Variants in UPK1B observed in about 807,000 individuals in gnomAD.
The protein encoded by UPK1B is uroplakin 1B, also known as uroplakin-1b.
A neutral mutation model predicts 34.2 loss-of-function variants in UPK1B; 28 were observed. The observed-to-expected ratio is 0.82, with a 90% CI of 0.61 to 1.12. The LOEUF is 1.12. Among genes scored for constraint, UPK1B ranks in the 50% most tolerant of loss-of-function variants. The pLI, the probability that UPK1B is intolerant of heterozygous loss-of-function variation, is 0.00. For missense variants in UPK1B, 325 were observed against 320.9 expected (o/e 1.01, Z -0.10); for synonymous variants, 81 against 110.4 (o/e 0.73, Z 1.67).
chr3:119,174,230 C>G (rs2077942253), intron 1 of UPK1B, among the ~76,000 whole-genome samples: 1 of 152,182 alleles, frequency 6.6e-6, no homozygotes, highest in South Asian at 2.1e-4. Flanking sequence ...TGAAGTAAGT[C>G]AACAAAGTAG....
chr3:119,180,564 A>G (rs1014234613), intron 1 of UPK1B, among the ~76,000 whole-genome samples: 2 of 152,226 alleles, frequency 1.3e-5, no homozygotes, highest in Non-Finnish European at 2.9e-5. Flanking sequence ...CAAGCCCTAG[A>G]GAACACCACA....
chr3:119,176,406 C>T lies in UPK1B; in HGVS notation c.-29+2768C>T, dbSNP rs531570830. ...AATGTGTCTGGAAACATCAACACTA[C>T]GGGTATGATTAATTTTTATAGGAAA... is the stretch of plus-strand genomic sequence containing the variant. On this transcript the variant is annotated intron_variant, in intron 1 of 7. Coordinates refer to ENST00000264234, the MANE Select transcript of UPK1B (RefSeq NM_006952.4). Among the ~76,000 whole-genome samples the T allele has an allele frequency of 2.2e-4, 34 of 152,206 alleles. 1 individual carries two copies. Among genetic ancestry groups the T allele is most frequent in the African/African-American group, 2.4e-4 (10 of 41,510 alleles).
At chr3:119,190,896 C>G in intron 4 of UPK1B, 86 bp from the exon 5 acceptor site, 1 of 1,559,664 alleles carries the variant, frequency 6.4e-7, no homozygotes, top group Non-Finnish European at 8.7e-7. Context: ...TTCAGTGTCC[C>G]CAGGAAAAGA....
At position 119,187,915 on chromosome 3, in the gene UPK1B, C is replaced by T. The variant is rs1488061525; in HGVS notation, c.210C>T (p.Phe70=). 6.2e-7 allele frequency: 1 copy of T among 1,614,176 alleles called. No homozygotes were observed. The highest frequency in any genetic ancestry group is 8.5e-7 in the Non-Finnish European group (1 of 1,180,036). Residue 70 remains phenylalanine, a synonymous_variant, in exon 3 of 8, where the codon TTC becomes TTT. Transcript: ENST00000264234. ...WIGIFVGICL[F]CLSVLGIVGI... is the part of the protein sequence containing the mutation. ...GCATATTTGTGGGCATCTGCCTCTTCTGCCTGTCTGTTCTAGGCATTGTAG... is the reference window on the plus strand; with the variant it reads ...GCATATTTGTGGGCATCTGCCTCTTTTGCCTGTCTGTTCTAGGCATTGTAG...
At chr3:119,201,259 G>A (rs1226395173) in intron 7 of UPK1B, among the ~76,000 whole-genome samples, 1 of 152,114 alleles carries the variant, frequency 6.6e-6, no homozygotes, top group African/African-American at 2.4e-5. Context: ...TGTCCCTCAG[G>A]TGTTTACTAT....
intron 3 of UPK1B, 57 bp from the exon 4 acceptor site, chr3:119,190,188 C>A: frequency 7.6e-7 from 1 of 1,319,706 alleles, no homozygotes; most frequent in Non-Finnish European, 1.1e-6. Context: ...ATTATTTGGG[C>A]AAGTCGCTCT....
intron 1 of UPK1B, among the ~76,000 whole-genome samples, chr3:119,174,134 G>A (rs1296196697): frequency 6.6e-6 from 1 of 152,154 alleles, no homozygotes; most frequent in Non-Finnish European, 1.5e-5. Context: ...GAAATCATTT[G>A]GTCCTGCCAA....
intron 2 of UPK1B, among the ~76,000 whole-genome samples, chr3:119,187,067 A>G (rs553416511): frequency 6.6e-6 from 1 of 152,366 alleles, no homozygotes; most frequent in South Asian, 2.1e-4. Flanking sequence ...AACCATAGTC[A>G]GTGTCTAAAC....
intron 6 of UPK1B, among the ~76,000 whole-genome samples, chr3:119,196,974 A>G (rs1046266062): frequency 1.3e-5 from 2 of 151,958 alleles, no homozygotes; most frequent in African/African-American, 4.8e-5. Context: ...CAGCCTCCCA[A>G]CTAACTACAG....
rs1288101095 is a variant in UPK1B at position 119,194,308 on chromosome 3, G to C, written c.558G>C (p.Trp186Cys). ...RTENNDADYP[W>C]PRQCCVMNNL... ...AGAATAATGATGCTGACTATCCCTGGCCTCGTCAATGCTGTGTTATGAACA... is the reference window on the plus strand; with the variant it reads ...AGAATAATGATGCTGACTATCCCTGCCCTCGTCAATGCTGTGTTATGAACA... Residue 186 changes from tryptophan (W) to cysteine (C), a missense_variant, in exon 6 of 8, where the codon TGG becomes TGC. Coordinates refer to ENST00000264234, the MANE Select transcript of UPK1B (RefSeq NM_006952.4). The C allele has an allele frequency of 6.2e-7, 1 of 1,613,872 alleles. No homozygotes were observed. The highest frequency in any genetic ancestry group is 8.5e-7 in the Non-Finnish European group (1 of 1,179,936).
In UPK1B at chr3:119,199,101, G is replaced by C; in HGVS notation, c.693G>C (p.Trp231Cys). ...LISGPMNRHA[W>C]GVAWFGFAIL... ...CTGGTCCAATGAACCGACACGCCTG[G>C]GGGGTTGCCTGGTTTGGATTTGCCA... is the stretch of plus-strand genomic sequence containing the variant. The change falls in exon 7 of 8, where the codon TGG (tryptophan) becomes TGC (cysteine). Residue 231 changes from tryptophan (W) to cysteine (C), a missense_variant. Trp to Cys is a radical substitution (Grantham distance 215). Transcript: ENST00000264234. 6.2e-7 allele frequency: 1 copy of C among 1,614,142 alleles called. No individual in the cohort carries two copies. Among genetic ancestry groups the C allele is most frequent in the South Asian group, 1.1e-5 (1 of 91,070 alleles).
chr3:119,176,894 C>A (rs769934519), intron 1 of UPK1B, among the ~76,000 whole-genome samples: 4 of 152,216 alleles, frequency 2.6e-5, no homozygotes, highest in African/African-American at 4.8e-5. Flanking sequence ...CACATCATAT[C>A]ATTAGAAGTC....
intron 2 of UPK1B, 49 bp downstream of exon 2, chr3:119,186,859 A>T: frequency 6.4e-7 from 1 of 1,568,630 alleles, no homozygotes. Flanking sequence ...TGTAATCATA[A>T]TTCTAGATGA....
At chr3:119,175,817 C>T (rs972677129) in intron 1 of UPK1B, among the ~76,000 whole-genome samples, 14 of 152,154 alleles carry the variant, frequency 9.2e-5, no homozygotes, top group African/African-American at 3.4e-4. Context: ...GTTGGAGCAA[C>T]TGAGGAACTG....
chr3:119,191,633 C>T (rs755089833), intron 5 of UPK1B, among the ~76,000 whole-genome samples: 6 of 152,192 alleles, frequency 3.9e-5, no homozygotes, highest in Admixed American at 3.3e-4. Context: ...CAACTTTTTA[C>T]AGTCTGTCAT....
At chr3:119,191,226 G>A in intron 5 of UPK1B, 122 bp downstream of exon 5, 2 of 1,224,356 alleles carry the variant, frequency 1.6e-6, no homozygotes, top group South Asian at 3.4e-5. Flanking sequence ...TACATTTGTT[G>A]GAATGATTTT....
chr3:119,186,861 T>C (rs780828112), intron 2 of UPK1B, 51 bp downstream of exon 2: 1 of 1,564,954 alleles, frequency 6.4e-7, no homozygotes, highest in Non-Finnish European at 8.8e-7. Flanking sequence ...TAATCATAAT[T>C]CTAGATGAAT....
At chr3:119,179,392 TATATATTAA>T (rs2077976749) in intron 1 of UPK1B, among the ~76,000 whole-genome samples, 3 of 93,198 alleles carry the variant, frequency 3.2e-5, no homozygotes, top group African/African-American at 1.6e-4. Flanking sequence ...TATATATATA[TATATATTAA>T]TTCTAAGGAA....
At chr3:119,175,555 C>T (rs1465799867) in intron 1 of UPK1B, among the ~76,000 whole-genome samples, 1 of 126,268 alleles carries the variant, frequency 7.9e-6, no homozygotes, top group Non-Finnish European at 1.6e-5. Flanking sequence ...GCCCCAAGGA[C>T]TCTCCATAGT....
Sources: gnomAD v4.1 joint callset for allele counts (sites outside exome capture counted in the v4.1 genomes callset) on GRCh38, gnomAD v4.1.1 for gene constraint, MANE v1.5 for transcripts, NCBI Gene and HGNC (gene_info 2026-07-23, HGNC 2026-07-21) for gene names.